HPSE2: variants seen among roughly 807,000 people sequenced by gnomAD.
HPSE2 encodes heparanase 2 (inactive), also known as inactive heparanase-2.
A neutral mutation model predicts 60.5 loss-of-function variants in HPSE2; 38 were observed. The observed-to-expected ratio is 0.63, with a 90% CI of 0.48 to 0.82. The LOEUF (loss-of-function observed/expected upper bound fraction) is 0.82, where lower values mean the gene tolerates loss of function less well. HPSE2 is among the 40% of genes least tolerant of loss of function. HPSE2 has a pLI of 0.00. For missense variants in HPSE2, 713 were observed against 740.4 expected, an observed-to-expected ratio of 0.96 and a Z score of 0.43; for synonymous variants, 295 against 293.2, an observed-to-expected ratio of 1.01 and a Z score of -0.06.
intron 2 of HPSE2, among the ~76,000 whole-genome samples, chr10:99,206,427 C>G (rs576948851): frequency 6.6e-6 from 1 of 151,896 alleles, no homozygotes; most frequent in East Asian, 1.9e-4. Flanking sequence ...ATGGTGAAAC[C>G]CAATGTCTAC....
At chr10:99,310,936 A>ACAG in the HPSE2 span, among the ~76,000 whole-genome samples, 30 of 152,276 alleles carry the variant, frequency 2.0e-4, no homozygotes, top group African/African-American at 7.0e-4. Context: ...CATTTTAAAA[A>ACAG]CAGAATAATG....
rs1317019598 is a variant in HPSE2 at position 98,937,859 on chromosome 10, C to G, written c.611-193803G>C. Among the ~76,000 whole-genome samples the G allele has an allele frequency of 2.1e-5, 3 of 143,072 alleles. 1 individual carries two copies. Among genetic ancestry groups the G allele is most frequent in the Admixed American group, 7.0e-5 (1 of 14,374 alleles). 93.9% of individuals were successfully genotyped at this position (143,072 alleles called of 152,430 possible). On this transcript the variant is annotated intron_variant, in intron 3 of 11. Coordinates refer to ENST00000370552, the MANE Select transcript of HPSE2 (RefSeq NM_021828.5). ...CCCCCCAGTAGGGGCAGACTGACAC[C>G]TCACATGGCCCAGTACTCCTCTGAG...
intron 2 of HPSE2, among the ~76,000 whole-genome samples, chr10:99,217,927 G>A (rs1009561537): frequency 1.2e-4 from 18 of 152,058 alleles, no homozygotes; most frequent in African/African-American, 4.3e-4. Context: ...CTAATGGACA[G>A]CTAGAGTTGG....
In HPSE2 at chr10:99,134,260, G is replaced by A. The variant is rs1302542141; in HGVS notation, c.610+9978C>T. On this transcript the variant is annotated intron_variant, in intron 3 of 11. Coordinates refer to ENST00000370552, the MANE Select transcript of HPSE2 (RefSeq NM_021828.5). ...CTACATCTAATTGGTGTACCTGAAA[G>A]CGATGAGGAGAATGGAGCCAAGTTG... is the stretch of plus-strand genomic sequence containing the variant. 3.3e-5 allele frequency among the ~76,000 whole-genome samples: 5 copies of A among 152,176 alleles called. No homozygotes were observed. The East Asian group carries it at 7.7e-4, about 23-fold the overall frequency.
At chr10:98,584,779 C>T (rs10883143) in intron 9 of HPSE2, among the ~76,000 whole-genome samples, 84,249 of 151,942 alleles carry the variant, frequency 0.55, 23,584 homozygotes, top group Admixed American at 0.6. Flanking sequence ...CTCAGTTTTG[C>T]CTTAACAACA....
At chr10:99,171,946 C>A (rs1260202970) in intron 2 of HPSE2, among the ~76,000 whole-genome samples, 1 of 152,014 alleles carries the variant, frequency 6.6e-6, no homozygotes, top group Non-Finnish European at 1.5e-5. Context: ...TTGGTGTAAT[C>A]CAAAGCTGCT....
chr10:98,998,876 AG>A (rs1471293599), intron 3 of HPSE2, among the ~76,000 whole-genome samples: 2 of 152,244 alleles, frequency 1.3e-5, no homozygotes, highest in African/African-American at 4.8e-5. Flanking sequence ...CATACTAATG[AG>A]ACTCCAACCT....
intron 3 of HPSE2, among the ~76,000 whole-genome samples, chr10:98,919,704 C>T (rs999110359): frequency 6.6e-6 from 1 of 152,114 alleles, no homozygotes. Context: ...AAATCTGAAG[C>T]ATTTAGAAAA....
intron 3 of HPSE2, among the ~76,000 whole-genome samples, chr10:98,988,343 T>C (rs1956427131): frequency 6.6e-6 from 1 of 152,312 alleles, no homozygotes; most frequent in Non-Finnish European, 1.5e-5. Context: ...TAACACCACA[T>C]ATCTACAGCT....
the HPSE2 span, among the ~76,000 whole-genome samples, chr10:99,286,905 A>C: frequency 6.6e-6 from 1 of 152,126 alleles, no homozygotes. Context: ...TTATCATCCC[A>C]TTTTTTGAAT....
chr10:98,489,964 G>A, intron 10 of HPSE2, 87 bp downstream of exon 10: 1 of 1,502,832 alleles, frequency 6.7e-7, no homozygotes, highest in Non-Finnish European at 9.3e-7. Flanking sequence ...TAAGATTAGT[G>A]AATGGAGATG....
At chr10:99,067,289 G>T (rs939878147) in intron 3 of HPSE2, among the ~76,000 whole-genome samples, 2 of 152,162 alleles carry the variant, frequency 1.3e-5, no homozygotes, top group Non-Finnish European at 2.9e-5. Flanking sequence ...CCATTCTGGG[G>T]TCTGGAGGAT....
intron 3 of HPSE2, among the ~76,000 whole-genome samples, chr10:98,873,515 T>G (rs544189444): frequency 1.3e-5 from 2 of 152,106 alleles, no homozygotes; most frequent in South Asian, 4.1e-4. Context: ...GCTTCATCCA[T>G]GCCCCTGAAA....
At chr10:98,912,064 T>C (rs1953993334) in intron 3 of HPSE2, among the ~76,000 whole-genome samples, 1 of 152,164 alleles carries the variant, frequency 6.6e-6, no homozygotes, top group Non-Finnish European at 1.5e-5. Context: ...AACATATGCA[T>C]TGGTAGTAGA....
rs547339771 is a variant in HPSE2, at chr10:98,735,896, A to T, written c.784+7987T>A. 2.7e-3 allele frequency among the ~76,000 whole-genome samples: 413 copies of T among 152,218 alleles called. 1 individual carries two copies. The highest frequency in any genetic ancestry group is 4.1e-3 in the Non-Finnish European group (277 of 68,014). ...AGGGAATTGCCTTGTCTCAGATGAG[A>T]CCTTGGACTGTGTACTTTTGAGTTA... On this transcript the variant is annotated intron_variant, in intron 4 of 11. Coordinates refer to ENST00000370552, the MANE Select transcript of HPSE2 (RefSeq NM_021828.5).
intron 3 of HPSE2, among the ~76,000 whole-genome samples, chr10:98,970,570 A>T (rs773507659): frequency 2.6e-5 from 4 of 152,214 alleles, no homozygotes; most frequent in Admixed American, 6.5e-5. Flanking sequence ...ACACTGCTCA[A>T]AGTGGGCTAA....
At chr10:98,830,184 C>T (rs535402798) in intron 3 of HPSE2, among the ~76,000 whole-genome samples, 14 of 152,230 alleles carry the variant, frequency 9.2e-5, no homozygotes, top group South Asian at 4.1e-4. Flanking sequence ...CCAAGCACTA[C>T]GGAAACTGCA....
Position 98,679,198 on chromosome 10 carries a change from G to T in HPSE2, c.1004+14702C>A, listed in dbSNP as rs577877313. Among the ~76,000 whole-genome samples the T allele has an allele frequency of 3.9e-5, 6 of 152,270 alleles. No homozygotes were observed. The South Asian group carries it at 8.3e-4, about 21-fold the overall frequency. ...AGGGGATGCATGGAGTGAAACAGGA[G>T]AAATGAAAGGCAATTAGACCTGCAG... On this transcript the variant is annotated intron_variant, in intron 6 of 11. Transcript: ENST00000370552.
intron 3 of HPSE2, among the ~76,000 whole-genome samples, chr10:98,835,378 A>C (rs116510145): frequency 0.012 from 1,901 of 152,264 alleles, 28 homozygotes; most frequent in African/African-American, 0.043. Context: ...TACACACACA[A>C]AAATGAACAA....
Sources: allele counts gnomAD v4.1 joint callset (sites outside exome capture counted in the v4.1 genomes callset), GRCh38; gene constraint gnomAD v4.1.1; transcripts MANE v1.5; gene names NCBI Gene and HGNC (gene_info 2026-07-23, HGNC 2026-07-21).